Variants in LRMDA observed in about 807,000 individuals in gnomAD.
LRMDA encodes the protein leucine rich melanocyte differentiation associated, also known as leucine-rich melanocyte differentiation-associated protein.
LRMDA carries 18 observed loss-of-function variants against 29.8 expected under a neutral mutation model. That is an observed-to-expected ratio of 0.60 (90% CI 0.42 to 0.90). LRMDA has a LOEUF of 0.90. Ranked by LOEUF, LRMDA falls within the 40% of genes least tolerant of loss-of-function variation. The probability of loss-of-function intolerance (pLI) is 0.00; values close to 1 mark genes in which losing one functional copy is unlikely to be tolerated. For missense variants in LRMDA, 273 were observed against 273.9 expected, an observed-to-expected ratio of 1.00 and a Z score of 0.02; for synonymous variants, 125 against 109.4, an observed-to-expected ratio of 1.14 and a Z score of -0.89.
chr10:76,372,812 G>C (rs1318242637), intron 6 of LRMDA, among the ~76,000 whole-genome samples: 2 of 151,976 alleles, frequency 1.3e-5, no homozygotes, highest in African/African-American at 4.8e-5. Flanking sequence ...TGCAATATGG[G>C]ACCAGTTGAT....
At chr10:76,193,234 G>A (rs1851278099) in intron 5 of LRMDA, among the ~76,000 whole-genome samples, 1 of 152,214 alleles carries the variant, frequency 6.6e-6, no homozygotes, top group South Asian at 2.1e-4. Flanking sequence ...ATGCATATTT[G>A]CCATCGCAGG....
rs547850235 is a variant in LRMDA, at chr10:76,202,156, C to A, written c.517-122245C>A. On this transcript the variant is annotated intron_variant, in intron 5 of 6. Transcript: ENST00000611255. ...TTATTGCTCAAAGCTAGTTATGTGGCCAAGCCCAGAGTCAACATAAGAAGG... is the reference window on the plus strand; with the variant it reads ...TTATTGCTCAAAGCTAGTTATGTGGACAAGCCCAGAGTCAACATAAGAAGG... 1.0e-3 allele frequency among the ~76,000 whole-genome samples: 156 copies of A among 152,226 alleles called. 4 individuals carry two copies. The South Asian group carries it at 0.031, about 31-fold the overall frequency.
chr10:76,418,937 GA>G, intron 6 of LRMDA, among the ~76,000 whole-genome samples: 1 of 152,062 alleles, frequency 6.6e-6, no homozygotes, highest in Non-Finnish European at 1.5e-5. Context: ...ATTTTAGGAA[GA>G]AGTTTCAGGT....
chr10:76,064,942 C>G lies in LRMDA; in HGVS notation c.516+6159C>G, dbSNP rs1236758504. 2.0e-5 allele frequency among the ~76,000 whole-genome samples: 3 copies of G among 151,952 alleles called. No individual in the cohort carries two copies. In the East Asian group the frequency reaches 5.8e-4, roughly 29 times the overall value. The stretch of plus-strand genomic sequence containing the variant: ...TTTTTATGATTTTTTTTTCTGTTTT[C>G]ATGCAGATGTTTCTTGTCTAGAGAC... On this transcript the variant is annotated intron_variant, in intron 5 of 6. Coordinates refer to ENST00000611255, the MANE Select transcript of LRMDA (RefSeq NM_001305581.2).
intron 2 of LRMDA, among the ~76,000 whole-genome samples, chr10:75,965,521 T>C (rs559468413): frequency 6.6e-6 from 1 of 152,286 alleles, no homozygotes; most frequent in South Asian, 2.1e-4. Flanking sequence ...CTTAGATGAA[T>C]GGCATCCCAA....
intron 2 of LRMDA, among the ~76,000 whole-genome samples, chr10:75,771,279 G>A (rs1290781874): frequency 6.6e-6 from 1 of 151,568 alleles, no homozygotes; most frequent in Non-Finnish European, 1.5e-5. Flanking sequence ...TTCCATCCAT[G>A]CATTTTTTTT....
At chr10:75,466,885 AG>A (rs1844657673) in intron 2 of LRMDA, among the ~76,000 whole-genome samples, 1 of 152,190 alleles carries the variant, frequency 6.6e-6, no homozygotes, top group Non-Finnish European at 1.5e-5. Flanking sequence ...TGAAAAGGAA[AG>A]AAAAAATTAA....
intron 6 of LRMDA, among the ~76,000 whole-genome samples, chr10:76,389,729 G>A (rs1841700813): frequency 7.0e-6 from 1 of 143,716 alleles, no homozygotes; most frequent in African/African-American, 3.0e-5. Flanking sequence ...AATATTATGT[G>A]GACTTTTGTG....
At chr10:75,932,468 C>G (rs796640815) in intron 2 of LRMDA, among the ~76,000 whole-genome samples, 1 of 152,078 alleles carries the variant, frequency 6.6e-6, no homozygotes, top group Non-Finnish European at 1.5e-5. Flanking sequence ...AATAAATTAT[C>G]TGGGTGTGGT....
At chr10:75,716,311 G>C (rs924144312) in intron 2 of LRMDA, among the ~76,000 whole-genome samples, 1 of 152,172 alleles carries the variant, frequency 6.6e-6, no homozygotes, top group Non-Finnish European at 1.5e-5. Flanking sequence ...GGTCCTTGGC[G>C]ATATCATGAG....
At chr10:76,076,488 G>A (rs1848961494) in intron 5 of LRMDA, among the ~76,000 whole-genome samples, 1 of 152,046 alleles carries the variant, frequency 6.6e-6, no homozygotes, top group South Asian at 2.1e-4. Flanking sequence ...GATAGAGAGT[G>A]GGAAGCATTG....
chr10:76,051,012 C>A (rs1211371627), intron 4 of LRMDA, among the ~76,000 whole-genome samples: 2 of 152,202 alleles, frequency 1.3e-5, no homozygotes, highest in Admixed American at 1.3e-4. Context: ...CTTCTGTATT[C>A]CTTACAACTT....
chr10:76,439,163 T>A (rs1842275185), intron 6 of LRMDA, among the ~76,000 whole-genome samples: 1 of 152,152 alleles, frequency 6.6e-6, no homozygotes, highest in Admixed American at 6.5e-5. Context: ...CATACACATT[T>A]CTCTCCAGGT....
At position 76,282,736 on chromosome 10, in the gene LRMDA, C is replaced by T. The variant is rs573412407; in HGVS notation, c.517-41665C>T. ...GGTTTTGTCTCTTTTATATCCCCTT[C>T]GTCTGCAAACCATTCACCTTCACAA... is the stretch of plus-strand genomic sequence containing the variant. On this transcript the variant is annotated intron_variant, in intron 5 of 6. Transcript: ENST00000611255. Among the ~76,000 whole-genome samples the T allele has an allele frequency of 9.2e-5, 14 of 152,248 alleles. No homozygotes were observed. The South Asian group carries it at 1.0e-3, about 11-fold the overall frequency.
intron 6 of LRMDA, among the ~76,000 whole-genome samples, chr10:76,475,230 G>T (rs1415118445): frequency 6.6e-6 from 1 of 151,720 alleles, no homozygotes. Context: ...TTTCTTTTGG[G>T]ATTGATGAAA....
In LRMDA at chr10:76,365,071, T is replaced by TATAC. The variant is rs1256120614; in HGVS notation, c.601+40587_601+40588insTACA. 7.7e-3 allele frequency among the ~76,000 whole-genome samples: 707 copies of TATAC among 91,310 alleles called. 14 individuals carry two copies. Among genetic ancestry groups the TATAC allele is most frequent in the African/African-American group, 0.018 (418 of 23,366 alleles). 59.9% of individuals were successfully genotyped at this position (91,310 alleles called of 152,430 possible). ...TGCATAGTATTCCATCGTATATATA[T>TATAC]ACACACACACACACATATATATATA... On this transcript the variant is annotated intron_variant, in intron 6 of 6. Transcript: ENST00000611255.
intron 2 of LRMDA, among the ~76,000 whole-genome samples, chr10:75,728,090 T>C (rs1842651348): frequency 6.6e-6 from 1 of 152,168 alleles, no homozygotes; most frequent in Non-Finnish European, 1.5e-5. Flanking sequence ...ATTTCACAGA[T>C]GAGGAAACTG....
At chr10:75,535,799 T>C (rs773073719) in intron 2 of LRMDA, among the ~76,000 whole-genome samples, 18 of 152,184 alleles carry the variant, frequency 1.2e-4, no homozygotes, top group Non-Finnish European at 2.4e-4. Context: ...AGGTTCCGGA[T>C]GCCCCCTGCC....
chr10:76,014,664 A>T lies in LRMDA; in HGVS notation c.132-21344A>T, dbSNP rs567900742. 2.6e-5 allele frequency among the ~76,000 whole-genome samples: 4 copies of T among 152,334 alleles called. No homozygotes were observed. In the East Asian group the frequency reaches 7.7e-4, roughly 29 times the overall value. On this transcript the variant is annotated intron_variant, in intron 2 of 6. Transcript: ENST00000611255. ...AACATACTGCCTCTCTGACTGAAGG[A>T]TCTGTGCTCAAGCCATTGAACCTCT...
Sources: gnomAD v4.1 joint callset for allele counts (sites outside exome capture counted in the v4.1 genomes callset) on GRCh38, gnomAD v4.1.1 for gene constraint, MANE v1.5 for transcripts, NCBI Gene and HGNC (gene_info 2026-07-23, HGNC 2026-07-21) for gene names.